NAV1: variants seen among roughly 807,000 people sequenced by gnomAD.
NAV1 encodes pore membrane and/or filament interacting like protein 3.
A neutral mutation model predicts 175.2 loss-of-function variants in NAV1; 18 were observed. The ratio of observed to expected loss-of-function variants is 0.10; its 90% confidence interval spans 0.07 to 0.15. The LOEUF is 0.15. NAV1 is among the 10% of genes least tolerant of loss of function. The pLI, the probability that NAV1 is intolerant of heterozygous loss-of-function variation, is 1.00. For missense variants in NAV1, 1,731 were observed against 2,436.6 expected (o/e 0.71, Z 6.10); for synonymous variants, 897 against 978.7 (o/e 0.92, Z 1.56).
chr1:201,716,994 T>A (rs1672167216), intron 2 of NAV1, among the ~76,000 whole-genome samples: 1 of 152,224 alleles, frequency 6.6e-6, no homozygotes, highest in South Asian at 2.1e-4. Flanking sequence ...TTGCCCTGAC[T>A]GGCCAGGGCC....
At chr1:201,624,981 A>G (rs183722234) in intron 1 of NAV1, among the ~76,000 whole-genome samples, 1 of 152,304 alleles carries the variant, frequency 6.6e-6, no homozygotes, top group East Asian at 1.9e-4. Context: ...GAAAAATTGA[A>G]TGCAATTTAA....
chr1:201,738,298 A>G (rs1673202790), intron 3 of NAV1, among the ~76,000 whole-genome samples: 1 of 152,034 alleles, frequency 6.6e-6, no homozygotes, highest in Non-Finnish European at 1.5e-5. Context: ...CTCAAAGCAT[A>G]TTTGGAAAAC....
Position 201,539,520 on chromosome 1 carries a change from A to G in NAV1, c.-144+178A>G, listed in dbSNP as rs1292391686. The stretch of plus-strand genomic sequence containing the variant: ...GGGAGAGGCGCTGGAATAAATAACA[A>G]CCAAGATGCTCGCGGCTTCCCGGGA... On this transcript the variant is annotated intron_variant, in intron 1 of 33. Transcript: ENST00000685211. The surrounding 1 kb of genome is among the most constrained non-coding windows in gnomAD (Gnocchi z 5.6). Among the ~76,000 whole-genome samples the G allele has an allele frequency of 6.6e-6, 1 of 151,928 alleles. No homozygotes were observed. The highest frequency in any genetic ancestry group is 1.5e-5 in the Non-Finnish European group (1 of 67,956).
At chr1:201,666,192 G>T (rs1376240038) in intron 1 of NAV1, among the ~76,000 whole-genome samples, 2 of 152,040 alleles carry the variant, frequency 1.3e-5, no homozygotes, top group African/African-American at 4.8e-5. Flanking sequence ...CATGGAGAAG[G>T]CTGGGAAGCC....
At chr1:201,570,576 G>A (rs1297220605) in intron 1 of NAV1, among the ~76,000 whole-genome samples, 1 of 152,210 alleles carries the variant, frequency 6.6e-6, no homozygotes, top group Non-Finnish European at 1.5e-5. Context: ...CTTGCCTGGT[G>A]TCCCACCAGT....
chr1:201,591,800 C>G (rs1256822852), intron 2 of NAV1, among the ~76,000 whole-genome samples: 1 of 152,110 alleles, frequency 6.6e-6, no homozygotes, highest in Non-Finnish European at 1.5e-5. Flanking sequence ...GGTGAGAAAG[C>G]TGAATCGTGA....
intron 2 of NAV1, among the ~76,000 whole-genome samples, chr1:201,610,865 A>C (rs891326819): frequency 9.2e-5 from 14 of 152,190 alleles, no homozygotes; most frequent in African/African-American, 3.4e-4. Flanking sequence ...GTCTGTAAGA[A>C]CACATTGCCA....
chr1:201,595,318 C>T (rs1450173942), intron 2 of NAV1, among the ~76,000 whole-genome samples: 1 of 152,266 alleles, frequency 6.6e-6, no homozygotes. Flanking sequence ...CTGACTCATG[C>T]TTAGAACTGA....
intron 1 of NAV1, among the ~76,000 whole-genome samples, chr1:201,682,940 T>C (rs1171839448): frequency 6.6e-6 from 1 of 152,242 alleles, no homozygotes; most frequent in Non-Finnish European, 1.5e-5. Flanking sequence ...GGTAACATCT[T>C]ACATTATTAG....
In NAV1 at chr1:201,808,504, G is replaced by A. The variant is rs1678462789; in HGVS notation, c.3932G>A (p.Arg1311His). 5 of 1,614,224 alleles carry A rather than the reference G, an allele frequency of 3.1e-6. No individual in the cohort carries two copies. Among genetic ancestry groups the A allele is most frequent in the African/African-American group, 1.3e-5 (1 of 75,058 alleles). Reference sequence around the variant, plus strand: ...GAGAAGAAGGAGGTATCGGAGCTGCGCTCTGAGCTATGGGAGAAGGAAATG... The same window carrying A: ...GAGAAGAAGGAGGTATCGGAGCTGCACTCTGAGCTATGGGAGAAGGAAATG... The change falls in exon 19 of 30, where the codon CGC (arginine) becomes CAC (histidine). Residue 1311 changes from arginine (R) to histidine (H), a missense_variant. Transcript: ENST00000367296. The surrounding 1 kb of genome is among the most constrained non-coding windows in gnomAD (Gnocchi z 5.5).
At chr1:201,816,779 A>G (rs1266477676) in intron 28 of NAV1, 2 of 217,396 alleles carry the variant, frequency 9.2e-6, no homozygotes, top group Non-Finnish European at 1.8e-5. Flanking sequence ...CTCCTGCCTC[A>G]GCCTCCCAAG....
At chr1:201,690,874 A>C (rs538405911) in intron 1 of NAV1, among the ~76,000 whole-genome samples, 1 of 152,352 alleles carries the variant, frequency 6.6e-6, no homozygotes, top group African/African-American at 2.4e-5. Context: ...GAAAATGAAC[A>C]TTACACATGG....
Position 201,712,790 on chromosome 1 carries a change from C to T in NAV1, c.758-27C>T, listed in dbSNP as rs1264931920. ...CCCAGCATTAAGTTCTCTTCACTCA[C>T]CCAGCTCTTCCTTCTCTCCCTACCA... On this transcript the variant is annotated intron_variant, in intron 1 of 29. Coordinates refer to ENST00000367296, the Ensembl canonical transcript of NAV1. 35 of 1,518,714 alleles carry T rather than the reference C, an allele frequency of 2.3e-5. 1 individual carries two copies. The Admixed American group carries it at 5.7e-4, about 25-fold the overall frequency. 94.1% of individuals were successfully genotyped at this position (1,518,714 alleles called of 1,614,324 possible). A position where few individuals can be genotyped will look rare whatever the true frequency, so the allele number is the denominator to read the frequency against.
exon 14 of NAV1, chr1:201,793,866 C>G (rs760555561): frequency 4.1e-6 from 5 of 1,222,198 alleles, no homozygotes; most frequent in Admixed American, 2.1e-5. Flanking sequence ...CAGAGACGGC[C>G]GAGGAGAAGG....
chr1:201,676,021 G>A (rs146577753), intron 1 of NAV1, among the ~76,000 whole-genome samples: 88 of 152,286 alleles, frequency 5.8e-4, no homozygotes, highest in African/African-American at 1.9e-3. Context: ...CCCTCTCTGC[G>A]TCTCAAAAGT....
Position 201,652,026 on chromosome 1 carries a change from G to A in NAV1, c.757+2601G>A, listed in dbSNP as rs568535579. ...GGTAGAGGGAGAGGAACTACAGAGG[G>A]AATTCGTCTTCCAGAGCCAATGATG... On this transcript the variant is annotated intron_variant, in intron 1 of 29. Coordinates refer to ENST00000367296, the Ensembl canonical transcript of NAV1. Among the ~76,000 whole-genome samples the A allele has an allele frequency of 3.3e-5, 5 of 152,202 alleles. No individual in the cohort carries two copies. In the East Asian group the frequency reaches 7.7e-4, roughly 24 times the overall value.
chr1:201,816,479 A>G (rs751646663), intron 28 of NAV1, among the ~76,000 whole-genome samples: 198 of 152,332 alleles, frequency 1.3e-3, no homozygotes, highest in Non-Finnish European at 1.7e-3. Flanking sequence ...AAATGCATAT[A>G]ATTTTTGTTG....
At chr1:201,794,392 C>T (rs763202190) in intron 14 of NAV1, 74 bp from the exon 19 acceptor site, 38 of 1,367,036 alleles carry the variant, frequency 2.8e-5, no homozygotes, top group Admixed American at 2.1e-4. Context: ...CCGCCCACCT[C>T]GGCCTCCCAA....
chr1:201,594,763 A>T (rs1200986884), intron 2 of NAV1, among the ~76,000 whole-genome samples: 1 of 152,136 alleles, frequency 6.6e-6, no homozygotes, highest in Non-Finnish European at 1.5e-5. Flanking sequence ...GCCCTGGGGC[A>T]GAACAGCAGG....
Sources: gnomAD v4.1 joint callset for allele counts (sites outside exome capture counted in the v4.1 genomes callset) on GRCh38, gnomAD v4.1.1 for gene constraint, Gnocchi (gnomAD v3.1) non-coding constraint, MANE v1.5 for transcripts, NCBI Gene and HGNC (gene_info 2026-07-23, HGNC 2026-07-21) for gene names.